The following CROCC variants were observed in gnomAD, a reference collection of about 807,000 sequenced individuals.
CROCC encodes the protein ciliary rootlet coiled-coil, rootletin, also known as rootletin.
In CROCC, 180 loss-of-function variants were observed where a neutral mutation model predicts 245.2. That is an observed-to-expected ratio of 0.73 (90% CI 0.65 to 0.83). The LOEUF (loss-of-function observed/expected upper bound fraction) is 0.83. Ranked by LOEUF, CROCC falls within the 40% of genes least tolerant of loss-of-function variation. The probability of loss-of-function intolerance (pLI) is 0.00; values close to 1 mark genes in which losing one functional copy is unlikely to be tolerated. For synonymous variants in CROCC, 1,205 were observed against 1,241.6 expected (o/e 0.97, Z 0.62); for missense variants, 2,688 against 2,779.4 (o/e 0.97, Z 0.74).
chr1:16,914,584 T>C (rs1340368760), intron 1 of CROCC, among the ~76,000 whole-genome samples: 1 of 152,254 alleles, frequency 6.6e-6, no homozygotes, highest in East Asian at 1.9e-4. Context: ...AGCATCTCCA[T>C]TGTGCGGATG....
In CROCC at chr1:16,954,911, C is replaced by A. The variant is rs548357573; in HGVS notation, c.3465+34C>A. 5.4e-6 allele frequency: 8 copies of A among 1,491,490 alleles called. No individual in the cohort carries two copies. Among genetic ancestry groups the A allele is most frequent in the East Asian group, 2.5e-5 (1 of 40,092 alleles). The allele number at this position is 1,491,490 out of a possible 1,614,324, so 92.4% of individuals were successfully genotyped here. On this transcript the variant is annotated intron_variant, in intron 23 of 36. Coordinates refer to ENST00000375541, the MANE Select transcript of CROCC (RefSeq NM_014675.5). The surrounding 1 kb of genome is among the most constrained non-coding windows in gnomAD (Gnocchi z 4.4). ...CCGCCCCCCTCTTCCAAGCAGCATA[C>A]CCTAAATGGCACTGTGTGCCTGGGG...
chr1:16,940,053 G>A lies in CROCC; in HGVS notation c.1768G>A (p.Glu590Lys), dbSNP rs1384473122. 5 of 1,609,728 alleles carry A rather than the reference G, an allele frequency of 3.1e-6. No homozygotes were observed. The East Asian group carries it at 6.7e-5, about 22-fold the overall frequency. Residue 590 changes from glutamate (E) to lysine (K), a missense_variant, in exon 13 of 37, where the codon GAG becomes AAG. Transcript: ENST00000375541. ...GCAGGCCCACGAGGACGCCCAGCGC[G>A]AGGTGCAGCGGCTGCGGAGCGCCAA... ...AMQAHEDAQR[E>K]VQRLRSANEL... is the part of the protein sequence containing the mutation.
At chr1:16,968,043 T>C (rs2076446903) in intron 30 of CROCC, among the ~76,000 whole-genome samples, 160 bp from the exon 31 acceptor site, 1 of 152,124 alleles carries the variant, frequency 6.6e-6, no homozygotes, top group South Asian at 2.1e-4. Context: ...TGGGAACGCA[T>C]GGGGAGACCG....
At position 16,958,620 on chromosome 1, in the gene CROCC, G is replaced by T; in HGVS notation, c.3902G>T (p.Arg1301Leu). 6.4e-7 allele frequency: 1 copy of T among 1,555,034 alleles called. No individual in the cohort carries two copies. Among genetic ancestry groups the T allele is most frequent in the East Asian group, 2.4e-5 (1 of 41,632 alleles). Reference sequence around the variant, plus strand: ...GACAGTGAGAACACCAGACTGGGCCGGGAGCTGGCGGAGCTGCAGGGCCGC... The same window carrying T: ...GACAGTGAGAACACCAGACTGGGCCTGGAGCTGGCGGAGCTGCAGGGCCGC... ...MLDSENTRLGRELAELQGRLA... is the reference protein window; with the variant it reads ...MLDSENTRLGLELAELQGRLA... The change falls in exon 26 of 37, where the codon CGG becomes CTG. Residue 1301 changes from arginine to leucine, a missense_variant. This residue lies in a region of CROCC where 1,218 missense variants were observed against 1,286.3 expected (regional missense o/e 0.95). Coordinates refer to ENST00000375541, the MANE Select transcript of CROCC (RefSeq NM_014675.5).
intron 27 of CROCC, among the ~76,000 whole-genome samples, chr1:16,963,438 A>C (rs1331643827): frequency 6.6e-6 from 1 of 152,080 alleles, no homozygotes; most frequent in East Asian, 1.9e-4. Context: ...TCCAATAGAC[A>C]TTATAGGCCT....
chr1:16,922,335 G>A (rs1396647090), intron 1 of CROCC, among the ~76,000 whole-genome samples: 1 of 152,282 alleles, frequency 6.6e-6, no homozygotes, highest in Non-Finnish European at 1.5e-5. Flanking sequence ...TTTAGGGCTT[G>A]GGGGACCTCT....
intron 1 of CROCC, among the ~76,000 whole-genome samples, chr1:16,914,522 C>T (rs906237017): frequency 1.3e-5 from 2 of 152,288 alleles, no homozygotes; most frequent in African/African-American, 4.8e-5. Context: ...CCTGCACTGC[C>T]CTCCTCGTGT....
chr1:16,971,194 G>A (rs1420848049), intron 35 of CROCC, among the ~76,000 whole-genome samples: 3 of 149,860 alleles, frequency 2.0e-5, no homozygotes, highest in South Asian at 4.3e-4. Flanking sequence ...CTTTGTGCCT[G>A]TGTGTATGAT....
At position 16,970,711 on chromosome 1, in the gene CROCC, C is replaced by G; in HGVS notation, c.5728C>G (p.Leu1910Val). Residue 1910 changes from leucine (L) to valine (V), a missense_variant, in exon 35 of 37, where the codon CTC (leucine) becomes GTC (valine). By Grantham distance (32) the Leu-to-Val change is conservative. Coordinates refer to ENST00000375541, the MANE Select transcript of CROCC (RefSeq NM_014675.5). ...AGAGAAGGGCCGCCTGGACCGCACCCTCACGGGGGCTGAGCTGGAGCTGGC... is the reference window on the plus strand; with the variant it reads ...AGAGAAGGGCCGCCTGGACCGCACCGTCACGGGGGCTGAGCTGGAGCTGGC... The part of the protein sequence containing the change: ...SAEKGRLDRT[L>V]TGAELELAEA... The G allele has an allele frequency of 6.2e-7, 1 of 1,605,348 alleles. No individual in the cohort carries two copies. The highest frequency in any genetic ancestry group is 8.5e-7 in the Non-Finnish European group (1 of 1,176,486).
At position 16,946,927 on chromosome 1, in the gene CROCC, C is replaced by A; in HGVS notation, c.2450C>A (p.Ala817Glu). 1 of 1,563,320 alleles carries A rather than the reference C, an allele frequency of 6.4e-7. No individual in the cohort carries two copies. ...SLRVAEQAQE[A>E]LEQQLPTLRH... Reference sequence around the variant, plus strand: ...CGAGTGGCGGAGCAGGCCCAGGAGGCATTGGAGCAGCAGCTCCCCACGCTG... The same window carrying A: ...CGAGTGGCGGAGCAGGCCCAGGAGGAATTGGAGCAGCAGCTCCCCACGCTG... Residue 817 changes from alanine (A) to glutamate (E), a missense_variant, in exon 17 of 37, where the codon GCA becomes GAA. Around this residue, in one of 9 missense-constraint regions of CROCC, gnomAD observed 295 missense variants for 241.7 expected, o/e 1.22. Coordinates refer to ENST00000375541, the MANE Select transcript of CROCC (RefSeq NM_014675.5).
intron 13 of CROCC, among the ~76,000 whole-genome samples, chr1:16,943,389 T>C (rs2075973391): frequency 6.6e-6 from 1 of 152,096 alleles, no homozygotes; most frequent in Non-Finnish European, 1.5e-5. Flanking sequence ...ATACAACAAA[T>C]TACCCGGACA....
intron 8 of CROCC, among the ~76,000 whole-genome samples, chr1:16,934,468 T>TTTTG (rs1275805345): frequency 6.6e-6 from 1 of 152,220 alleles, no homozygotes; most frequent in African/African-American, 2.4e-5. Context: ...TCTAGCTAAT[T>TTTTG]TTTGTTTGTT....
At chr1:16,938,353 A>G (rs1275505477) in intron 10 of CROCC, 47 bp from the exon 11 acceptor site, 8 of 1,508,810 alleles carry the variant, frequency 5.3e-6, no homozygotes, top group East Asian at 2.4e-5. Context: ...GAGGTTTCAG[A>G]TAAGACAGAA....
chr1:16,918,272 G>C (rs566084041), upstream of CROCC, among the ~76,000 whole-genome samples: 4 of 145,496 alleles, frequency 2.7e-5, no homozygotes, highest in African/African-American at 1.0e-4. Flanking sequence ...GAAGCTGTTA[G>C]CATCCAGATT....
intron 15 of CROCC, 50 bp from the exon 16 acceptor site, chr1:16,946,206 ACCT>A (rs2076041469): frequency 1.3e-6 from 2 of 1,575,494 alleles, no homozygotes; most frequent in Non-Finnish European, 1.7e-6. Flanking sequence ...GGGCCTCCTC[ACCT>A]CCTCCCGACC....
intron 19 of CROCC, among the ~76,000 whole-genome samples, chr1:16,950,423 A>G (rs1389291142): frequency 6.6e-6 from 1 of 150,772 alleles, no homozygotes; most frequent in African/African-American, 2.4e-5. Flanking sequence ...CAGTGGTGCA[A>G]TCTCAGCTCA....
chr1:16,948,912 A>G lies in CROCC; in HGVS notation c.2822A>G (p.Lys941Arg). The change falls in exon 19 of 37, where the codon AAG becomes AGG. Residue 941 changes from lysine to arginine, a missense_variant. This residue lies in a region of CROCC where 20 missense variants were observed against 55.4 expected (regional missense o/e 0.36). Transcript: ENST00000375541. ...GAGGGGCAGGCCCTGCTGCTGGCCA[A>G]GGAGACCCTGACTGGTACGAGGGGC... ...EAEGQALLLA[K>R]ETLTGELAGL... 1 of 1,611,528 alleles carries G rather than the reference A, an allele frequency of 6.2e-7. No individual in the cohort carries two copies. The highest frequency in any genetic ancestry group is 8.5e-7 in the Non-Finnish European group (1 of 1,179,942).
intron 20 of CROCC, among the ~76,000 whole-genome samples, chr1:16,952,905 T>C (rs948640140): frequency 6.6e-6 from 1 of 152,210 alleles, no homozygotes; most frequent in African/African-American, 2.4e-5. Context: ...AGAATCCCCA[T>C]GGCCCACACG....
rs752293420 is a variant in CROCC at position 16,969,773 on chromosome 1, C to T, written c.5302-12C>T. ...CCAGGCCAGCCAGGCACCATCAGCC[C>T]CTGTCCCCCAGGAACGGCTGGATGC... On this transcript the variant is annotated splice_polypyrimidine_tract_variant and intron_variant, in intron 32 of 36. Transcript: ENST00000375541. 17 of 1,610,590 alleles carry T rather than the reference C, an allele frequency of 1.1e-5. No homozygotes were observed. Among genetic ancestry groups the T allele is most frequent in the Non-Finnish European group, 1.3e-5 (15 of 1,178,608 alleles).
Sources: gnomAD v4.1 joint callset for allele counts (sites outside exome capture counted in the v4.1 genomes callset) on GRCh38, gnomAD v4.1.1 for gene constraint, gnomAD v4.1.1 regional missense constraint, Gnocchi (gnomAD v3.1) non-coding constraint, MANE v1.5 for transcripts, NCBI Gene and HGNC (gene_info 2026-07-23, HGNC 2026-07-21) for gene names.